The following OTOP3 variants were observed in gnomAD, a reference collection of about 807,000 sequenced individuals.
The protein encoded by OTOP3 is otopetrin 3.
In OTOP3, 41 loss-of-function variants were observed where a neutral mutation model predicts 50.8. The ratio of observed to expected loss-of-function variants is 0.81; its 90% confidence interval spans 0.63 to 1.05. The LOEUF (loss-of-function observed/expected upper bound fraction) is 1.05, where lower values mean the gene tolerates loss of function less well. Ranked by LOEUF, OTOP3 falls within the 50% of genes least tolerant of loss-of-function variation. The probability of loss-of-function intolerance (pLI) is 0.00; values close to 1 mark genes in which losing one functional copy is unlikely to be tolerated. For missense variants in OTOP3, 788 were observed against 760.8 expected, an observed-to-expected ratio of 1.04 and a Z score of -0.42; for synonymous variants, 320 against 324.4, an observed-to-expected ratio of 0.99 and a Z score of 0.14.
At position 74,946,894 on chromosome 17, in the gene OTOP3, G is replaced by A. The variant is rs76038034; in HGVS notation, c.985G>A (p.Val329Met). The A allele has an allele frequency of 1.9e-6, 3 of 1,611,430 alleles. No individual in the cohort carries two copies. The highest frequency in any genetic ancestry group is 2.5e-6 in the Non-Finnish European group (3 of 1,179,754). ...AIFGPLLGLL[V>M]LLAGVCVFVL... is the part of the protein sequence containing the mutation. The stretch of plus-strand genomic sequence containing the variant: ...CTTCGGGCCGCTGCTGGGCCTGCTG[G>A]TGCTGCTGGCAGGTGTGTGCGTCTT... The change falls in exon 6 of 7, where the codon GTG becomes ATG. Residue 329 changes from valine (V) to methionine (M), a missense_variant. Coordinates refer to ENST00000328801, the MANE Select transcript of OTOP3 (RefSeq NM_001272005.2).
chr17:74,949,153 G>C (rs537767397), intron 6 of OTOP3, 93 bp from the exon 7 acceptor site: 7 of 1,343,274 alleles, frequency 5.2e-6, no homozygotes, highest in East Asian at 2.3e-5. Context: ...GGTGGCACTG[G>C]AGGGGCTGCA....
At chr17:74,936,958 A>T (rs202120713) in intron 1 of OTOP3, among the ~76,000 whole-genome samples, 5 of 29,782 alleles carry the variant, frequency 1.7e-4, no homozygotes, top group Non-Finnish European at 3.5e-4. Context: ...TCACCCCCCC[A>T]CCCTTTTTTT....
intron 3 of OTOP3, 31 bp downstream of exon 3, chr17:74,942,068 G>A (rs187440853): frequency 4.9e-5 from 77 of 1,583,782 alleles, no homozygotes; most frequent in East Asian, 2.9e-4. Flanking sequence ...CCACATCACC[G>A]AGGACATACC....
At chr17:74,941,874 C>A in intron 2 of OTOP3, 27 bp from the exon 3 acceptor site, 1 of 1,592,238 alleles carries the variant, frequency 6.3e-7, no homozygotes, top group Non-Finnish European at 8.6e-7. Flanking sequence ...CGCGCAGGTG[C>A]CAACGCCCGC....
rs775252235 is a variant in OTOP3 at position 74,947,285 on chromosome 17, T to G, written c.1376T>G (p.Leu459Arg). 17 of 1,613,372 alleles carry G rather than the reference T, an allele frequency of 1.1e-5. 1 individual carries two copies. In the South Asian group the frequency reaches 1.9e-4, roughly 18 times the overall value. The change falls in exon 6 of 7, where the codon CTC becomes CGC. Residue 459 changes from leucine to arginine, a missense_variant. Transcript: ENST00000328801. ...FIIEGLHRRPLWETVPEGLAG... is the reference protein window; with the variant it reads ...FIIEGLHRRPRWETVPEGLAG... Reference sequence around the variant, plus strand: ...ATCGAGGGCCTGCACCGGCGCCCACTCTGGGAGACAGTTCCCGAGGGCCTG... The same window carrying G: ...ATCGAGGGCCTGCACCGGCGCCCACGCTGGGAGACAGTTCCCGAGGGCCTG...
chr17:74,937,898 C>G (rs76114178), intron 1 of OTOP3, among the ~76,000 whole-genome samples: 15,504 of 152,068 alleles, frequency 0.1, 905 homozygotes, highest in Middle Eastern at 0.15. Flanking sequence ...GAGAGGAAGG[C>G]TTTCCAGGTG....
chr17:74,943,843 T>C (rs1349524905), intron 5 of OTOP3, 119 bp downstream of exon 5: 1 of 866,626 alleles, frequency 1.2e-6, no homozygotes, highest in Non-Finnish European at 1.8e-6. Flanking sequence ...GTCTATAGAG[T>C]TGGGAGCAAA....
intron 5 of OTOP3, among the ~76,000 whole-genome samples, chr17:74,944,682 G>A (rs57363414): frequency 0.065 from 9,882 of 152,136 alleles, 796 homozygotes; most frequent in African/African-American, 0.18. Flanking sequence ...GCTTGAACCC[G>A]GGAGGCGGAG....
At position 74,943,323 on chromosome 17, in the gene OTOP3, G is replaced by C. The variant is rs149742797; in HGVS notation, c.611G>C (p.Arg204Pro). 3 of 1,614,142 alleles carry C rather than the reference G, an allele frequency of 1.9e-6. No homozygotes were observed. The highest frequency in any genetic ancestry group is 3.3e-5 in the Admixed American group (2 of 60,018). ...VLWKHCKDCV[R>P]VQTNFTRCGL... Reference sequence around the variant, plus strand: ...TGGAAACACTGCAAAGACTGTGTTCGGGTCCAGACCAACTTCACTAGGTAA... The same window carrying C: ...TGGAAACACTGCAAAGACTGTGTTCCGGTCCAGACCAACTTCACTAGGTAA... The change falls in exon 4 of 7, where the codon CGG (arginine) becomes CCG (proline). Residue 204 changes from arginine (R) to proline (P), a missense_variant. By Grantham distance (103) the Arg-to-Pro change is moderately radical. Coordinates refer to ENST00000328801, the MANE Select transcript of OTOP3 (RefSeq NM_001272005.2).
At chr17:74,940,048 A>G (rs74976584) in intron 1 of OTOP3, among the ~76,000 whole-genome samples, 5,563 of 151,168 alleles carry the variant, frequency 0.037, 116 homozygotes, top group Middle Eastern at 0.054. Context: ...AGTTGGGACT[A>G]TAGGCATTAA....
chr17:74,945,711 T>G (rs2039219235), intron 5 of OTOP3, among the ~76,000 whole-genome samples: 1 of 152,200 alleles, frequency 6.6e-6, no homozygotes, highest in Non-Finnish European at 1.5e-5. Context: ...AGCCACGGGT[T>G]TTCCCTTGAG....
rs1598607417 is a variant in OTOP3, at chr17:74,946,746, C to T, written c.837C>T (p.Ser279=). The T allele has an allele frequency of 3.7e-6, 6 of 1,613,280 alleles. No homozygotes were observed. The highest frequency in any genetic ancestry group is 2.2e-5 in the East Asian group (1 of 44,878). The change falls in exon 6 of 7, where the codon AGC becomes AGT. Residue 279 remains serine, a synonymous_variant. Coordinates refer to ENST00000328801, the MANE Select transcript of OTOP3 (RefSeq NM_001272005.2). ...GCTTCCTGATGCTCTACCCCTTCAG[C>T]ACTGAGTACTGCCTCATCTGCTGTG... ...RRGFLMLYPF[S]TEYCLICCAV...
intron 1 of OTOP3, among the ~76,000 whole-genome samples, chr17:74,939,690 G>T (rs542890299): frequency 1.3e-5 from 2 of 152,200 alleles, no homozygotes; most frequent in African/African-American, 4.8e-5. Flanking sequence ...AAAGAGGAGG[G>T]TAACGATCGT....
intron 3 of OTOP3, among the ~76,000 whole-genome samples, chr17:74,942,963 C>T (rs2039191819): frequency 6.6e-6 from 1 of 152,076 alleles, no homozygotes; most frequent in Admixed American, 6.5e-5. Context: ...GAAAAGAATA[C>T]AATCTCCAGC....
chr17:74,949,643 G>A lies in OTOP3; in HGVS notation c.*227G>A, dbSNP rs1024435507. 3 of 539,242 alleles carry A rather than the reference G, an allele frequency of 5.6e-6. No homozygotes were observed. The highest frequency in any genetic ancestry group is 9.6e-6 in the Non-Finnish European group (3 of 311,240). 33.4% of individuals were successfully genotyped at this position (539,242 alleles called of 1,614,324 possible). Reference sequence around the variant, plus strand: ...TGCCCACGGCCAGGCCTGGGCACATGCCTGCCCCCTGCCTTCCCACCACGA... The same window carrying A: ...TGCCCACGGCCAGGCCTGGGCACATACCTGCCCCCTGCCTTCCCACCACGA... On this transcript the variant is annotated 3_prime_UTR_variant, in exon 7 of 7. Coordinates refer to ENST00000328801, the MANE Select transcript of OTOP3 (RefSeq NM_001272005.2).
In OTOP3 at chr17:74,937,612, C is replaced by T. The variant is rs191803867; in HGVS notation, c.19+1672C>T. Among the ~76,000 whole-genome samples the T allele has an allele frequency of 3.4e-4, 51 of 152,190 alleles. No individual in the cohort carries two copies. In the East Asian group the frequency reaches 9.7e-3, roughly 29 times the overall value. ...GATAAAGATCATCGGGAGTCTCCTCCCCAGCCAGCCCGGAAAGAGTTTAAT... is the reference window on the plus strand; with the variant it reads ...GATAAAGATCATCGGGAGTCTCCTCTCCAGCCAGCCCGGAAAGAGTTTAAT... On this transcript the variant is annotated intron_variant, in intron 1 of 6. Transcript: ENST00000328801.
In OTOP3 at chr17:74,943,710, T is replaced by C. The variant is rs139751671; in HGVS notation, c.737T>C (p.Met246Thr). ...REIEAELGIL[M>T]EKSTGNETNT... ...ATCGAAGCTGAGCTTGGCATCCTCATGGAAAAATCCACAGGTATGGAAAGG... is the reference window on the plus strand; with the variant it reads ...ATCGAAGCTGAGCTTGGCATCCTCACGGAAAAATCCACAGGTATGGAAAGG... The change falls in exon 5 of 7, where the codon ATG becomes ACG. Residue 246 changes from methionine to threonine, a missense_variant. Transcript: ENST00000328801. 2.2e-5 allele frequency: 36 copies of C among 1,607,220 alleles called. No individual in the cohort carries two copies. Among genetic ancestry groups the C allele is most frequent in the Non-Finnish European group, 3.0e-5 (35 of 1,179,322 alleles).
chr17:74,936,731 C>T (rs536878841), intron 1 of OTOP3, among the ~76,000 whole-genome samples: 1 of 152,302 alleles, frequency 6.6e-6, no homozygotes, highest in South Asian at 2.1e-4. Flanking sequence ...CCAGTGTCCC[C>T]TCCAGGCCTC....
rs2039226145 is a variant in OTOP3 at position 74,946,609 on chromosome 17, C to A, written c.752-52C>A. On this transcript the variant is annotated intron_variant, in intron 5 of 6. Coordinates refer to ENST00000328801, the MANE Select transcript of OTOP3 (RefSeq NM_001272005.2). ...GAGGTATCTGTGTAGCCAGTTTCCT[C>A]AGAGCAGAGCCTGCCTGAATGTCTG... 5 of 1,499,454 alleles carry A rather than the reference C, an allele frequency of 3.3e-6. No homozygotes were observed. The East Asian group carries it at 9.1e-5, about 27-fold the overall frequency. 92.9% of individuals were successfully genotyped at this position (1,499,454 alleles called of 1,614,324 possible). A position where few individuals can be genotyped will look rare whatever the true frequency, so the allele number is the denominator to read the frequency against.
Sources: allele counts gnomAD v4.1 joint callset (sites outside exome capture counted in the v4.1 genomes callset), GRCh38; gene constraint gnomAD v4.1.1; transcripts MANE v1.5; gene names NCBI Gene and HGNC (gene_info 2026-07-23, HGNC 2026-07-21).